Variants in CSGALNACT1 observed in about 807,000 individuals in gnomAD.
CSGALNACT1 encodes chondroitin sulfate N-acetylgalactosaminyltransferase 1, also known as beta4GalNAcT-1.
A neutral mutation model predicts 51.0 loss-of-function variants in CSGALNACT1; 52 were observed. That is an observed-to-expected ratio of 1.02 (90% CI 0.82 to 1.29). CSGALNACT1 has a LOEUF of 1.29. Ranked by LOEUF, CSGALNACT1 falls within the 50% of genes most tolerant of loss-of-function variation. The pLI is 0.00. For missense variants in CSGALNACT1, 935 were observed against 679.2 expected, an observed-to-expected ratio of 1.38 and a Z score of -4.19; for synonymous variants, 341 against 254.4, an observed-to-expected ratio of 1.34 and a Z score of -3.24.
At chr8:19,689,333 G>A (rs192370518) in intron 1 of CSGALNACT1, among the ~76,000 whole-genome samples, 8 of 152,224 alleles carry the variant, frequency 5.3e-5, no homozygotes, top group Non-Finnish European at 7.4e-5. Context: ...CCAGGACCCC[G>A]GCCCTGGACC....
rs76346378 is a variant in CSGALNACT1, at chr8:19,726,293, C to T, written c.-297+31557G>A. Among the ~76,000 whole-genome samples the T allele has an allele frequency of 3.8e-4, 57 of 151,764 alleles. No homozygotes were observed. The South Asian group carries it at 5.2e-3, about 14-fold the overall frequency. On this transcript the variant is annotated intron_variant, in intron 1 of 1. Coordinates refer to the CSGALNACT1 transcript ENST00000517494. ...ATAGCCCTATGGTTCTAAAATGATA[C>T]GTAATTAAAAAAACATGTTTATGAC...
chr8:19,598,932 C>G (rs1279953158), intron 2 of CSGALNACT1, among the ~76,000 whole-genome samples: 1 of 152,174 alleles, frequency 6.6e-6, no homozygotes, highest in Non-Finnish European at 1.5e-5. Flanking sequence ...GAGCCAGGCA[C>G]TGGTCCTCAA....
chr8:19,692,064 G>A (rs74903786), intron 1 of CSGALNACT1, among the ~76,000 whole-genome samples: 1 of 151,488 alleles, frequency 6.6e-6, no homozygotes, highest in Non-Finnish European at 1.5e-5. Flanking sequence ...GAGCAAGCAA[G>A]AGTAGGGAAA....
chr8:19,550,388 G>A (rs1009449542), intron 3 of CSGALNACT1, among the ~76,000 whole-genome samples: 7 of 151,998 alleles, frequency 4.6e-5, no homozygotes, highest in African/African-American at 1.7e-4. Flanking sequence ...TACTTTCTGG[G>A]CAATTTCATT....
chr8:19,620,343 C>T (rs1340510383), intron 1 of CSGALNACT1, among the ~76,000 whole-genome samples: 4 of 138,184 alleles, frequency 2.9e-5, no homozygotes, highest in Non-Finnish European at 4.6e-5. Context: ...AAAAAAAGTG[C>T]GAAATACTGT....
At chr8:19,432,050 A>C (rs1279542878) in intron 6 of CSGALNACT1, among the ~76,000 whole-genome samples, 1 of 152,158 alleles carries the variant, frequency 6.6e-6, no homozygotes, top group Non-Finnish European at 1.5e-5. Context: ...TTGCCTATGT[A>C]GTTACTTCAC....
At chr8:19,732,195 G>C (rs1107613) in intron 1 of CSGALNACT1, among the ~76,000 whole-genome samples, 2 of 152,046 alleles carry the variant, frequency 1.3e-5, no homozygotes, top group Non-Finnish European at 1.5e-5. Context: ...CTAGCATAAC[G>C]GTTGTGTTTC....
At chr8:19,654,320 A>G (rs1013853327) in intron 1 of CSGALNACT1, among the ~76,000 whole-genome samples, 1 of 152,220 alleles carries the variant, frequency 6.6e-6, no homozygotes, top group African/African-American at 2.4e-5. Context: ...GAAGGGAAGG[A>G]GTTCCAACAG....
upstream of CSGALNACT1, among the ~76,000 whole-genome samples, chr8:19,605,455 A>T (rs561184907): frequency 1.8e-4 from 28 of 152,220 alleles, no homozygotes; most frequent in East Asian, 5.2e-3. Flanking sequence ...AATAATTAAT[A>T]AATTCATTCA....
chr8:19,635,543 C>A (rs1318483961), intron 1 of CSGALNACT1, among the ~76,000 whole-genome samples: 1 of 152,144 alleles, frequency 6.6e-6, no homozygotes, highest in Non-Finnish European at 1.5e-5. Flanking sequence ...CTTGTTGCCT[C>A]CCCCTTGTCT....
chr8:19,724,177 C>T (rs999015031), intron 1 of CSGALNACT1, among the ~76,000 whole-genome samples: 3 of 152,204 alleles, frequency 2.0e-5, no homozygotes, highest in Admixed American at 2.0e-4. Flanking sequence ...GCTGCGACTA[C>T]AAACTACCTC....
chr8:19,472,957 A>G (rs542335464), intron 4 of CSGALNACT1, among the ~76,000 whole-genome samples: 1 of 152,354 alleles, frequency 6.6e-6, no homozygotes, highest in Non-Finnish European at 1.5e-5. Flanking sequence ...TGTTAGAAAT[A>G]ACTATAATAA....
At chr8:19,409,117 G>A (rs1012157662) in intron 8 of CSGALNACT1, among the ~76,000 whole-genome samples, 2 of 152,172 alleles carry the variant, frequency 1.3e-5, no homozygotes, top group Non-Finnish European at 2.9e-5. Flanking sequence ...GCCAGCAAAG[G>A]GCTCAGGAAG....
chr8:19,711,916 C>T (rs2062529087), intron 1 of CSGALNACT1, among the ~76,000 whole-genome samples: 1 of 152,190 alleles, frequency 6.6e-6, no homozygotes, highest in Admixed American at 6.5e-5. Context: ...CTCATTGAAC[C>T]TTCCCACTAA....
chr8:19,719,011 A>G (rs1054158102), intron 1 of CSGALNACT1, among the ~76,000 whole-genome samples: 1 of 152,144 alleles, frequency 6.6e-6, no homozygotes, highest in African/African-American at 2.4e-5. Context: ...TCTTGTAGAC[A>G]CTGCGAACTG....
chr8:19,483,532 T>C (rs2153931725), intron 4 of CSGALNACT1, among the ~76,000 whole-genome samples: 1 of 152,332 alleles, frequency 6.6e-6, no homozygotes, highest in Admixed American at 6.5e-5. Flanking sequence ...CTTTTGCTCC[T>C]CTCTGTCCTG....
chr8:19,413,818 T>G (rs1426936995), intron 8 of CSGALNACT1, among the ~76,000 whole-genome samples: 1 of 152,112 alleles, frequency 6.6e-6, no homozygotes, highest in Non-Finnish European at 1.5e-5. Flanking sequence ...GGAGGTGGCC[T>G]TGAGGAGCAG....
At chr8:19,464,887 C>T (rs141034431) in intron 4 of CSGALNACT1, among the ~76,000 whole-genome samples, 16 of 152,240 alleles carry the variant, frequency 1.1e-4, no homozygotes, top group African/African-American at 3.4e-4. Flanking sequence ...TGTGCACTAC[C>T]GGCGGGAAGC....
chr8:19,587,183 T>C (rs2046842001), intron 3 of CSGALNACT1, among the ~76,000 whole-genome samples: 1 of 152,160 alleles, frequency 6.6e-6, no homozygotes, highest in Non-Finnish European at 1.5e-5. Flanking sequence ...CCTGGGATGC[T>C]TTTCAAAATT....
Sources: gnomAD v4.1 joint callset for allele counts (sites outside exome capture counted in the v4.1 genomes callset) on GRCh38, gnomAD v4.1.1 for gene constraint, MANE v1.5 for transcripts, NCBI Gene and HGNC (gene_info 2026-07-23, HGNC 2026-07-21) for gene names.